The following MASP1 variants were observed in gnomAD, a reference collection of about 807,000 sequenced individuals.
MASP1 encodes the protein mannan-binding lectin serine protease 1.
In MASP1, 59 loss-of-function variants were observed where a neutral mutation model predicts 77.1. That is an observed-to-expected ratio of 0.77 (90% confidence interval 0.62 to 0.95). The LOEUF (loss-of-function observed/expected upper bound fraction) is 0.95. MASP1 is among the 40% of genes least tolerant of loss of function. The probability of loss-of-function intolerance (pLI) is 0.00; values close to 1 mark genes in which losing one functional copy is unlikely to be tolerated. For synonymous variants in MASP1, 362 were observed against 354.5 expected (o/e 1.02, Z -0.24); for missense variants, 885 against 912.9 (o/e 0.97, Z 0.39).
rs753779999 is a variant in MASP1 at position 187,220,187 on chromosome 3, G to A, written c.1984C>T (p.Leu662=). 135 of 1,614,078 alleles carry A rather than the reference G, an allele frequency of 8.4e-5. 1 individual carries two copies. The Middle Eastern group carries it at 2.5e-3, about 29-fold the overall frequency. ...TCACCCCAGGACACAGTGCCCACCA[G>A]GTACCACTGGCCTCTTTCTCTATTC... The change falls in exon 16 of 16, where the codon CTG becomes TTG. Residue 662 remains leucine, a synonymous_variant. Coordinates refer to the MASP1 transcript ENST00000337774.
At chr3:187,285,241 A>T (rs995712505) in intron 2 of MASP1, among the ~76,000 whole-genome samples, 1 of 151,764 alleles carries the variant, frequency 6.6e-6, no homozygotes, top group East Asian at 1.9e-4. Flanking sequence ...TACTTTTTAC[A>T]TCTACTTCTG....
At chr3:187,291,112 G>T (rs746610632) in intron 1 of MASP1, 15 of 178,366 alleles carry the variant, frequency 8.4e-5, no homozygotes, top group Non-Finnish European at 1.7e-4. Context: ...AATGGGGACA[G>T]ATTTTTAGTT....
At chr3:187,247,033 T>C in intron 8 of MASP1, 3 of 865,182 alleles carry the variant, frequency 3.5e-6, no homozygotes, top group Non-Finnish European at 4.3e-6. Context: ...ACCAAGGGCA[T>C]TTTTTTTTTC....
chr3:187,244,534 A>G (rs1713923987), intron 8 of MASP1: 1 of 152,250 alleles, frequency 6.6e-6, no homozygotes, highest in Non-Finnish European at 1.5e-5. Flanking sequence ...TCATAGATGA[A>G]TCATAGAATG....
At chr3:187,260,107 C>T (rs751123023) in intron 4 of MASP1, among the ~76,000 whole-genome samples, 6 of 152,166 alleles carry the variant, frequency 3.9e-5, no homozygotes, top group Admixed American at 6.5e-5. Flanking sequence ...CCATAAGACA[C>T]TTCACCATTT....
chr3:187,221,269 GC>G, intron 14 of MASP1: 1 of 697,220 alleles, frequency 1.4e-6, no homozygotes, highest in East Asian at 2.8e-5. Context: ...CTAAGAGACT[GC>G]CCCATGCTAC....
At chr3:187,246,098 C>T (rs1389886057) in intron 8 of MASP1, among the ~76,000 whole-genome samples, 1 of 152,198 alleles carries the variant, frequency 6.6e-6, no homozygotes, top group Non-Finnish European at 1.5e-5. Flanking sequence ...TGGTGCCATC[C>T]CTGCTGCACG....
chr3:187,280,067 T>C (rs1717288672), intron 2 of MASP1, among the ~76,000 whole-genome samples: 2 of 152,190 alleles, frequency 1.3e-5, no homozygotes, highest in Admixed American at 1.3e-4. Flanking sequence ...TGGGGAGGCA[T>C]TGAAAGATTT....
At chr3:187,242,613 T>G (rs1166688253) in intron 9 of MASP1, 1 of 152,442 alleles carries the variant, frequency 6.6e-6, no homozygotes, top group Non-Finnish European at 1.5e-5. Flanking sequence ...GGGCCCTCCT[T>G]TCTCCCTGAG....
At chr3:187,262,923 T>C (rs1715720450) in intron 2 of MASP1, 1 of 563,606 alleles carries the variant, frequency 1.8e-6, no homozygotes, top group African/African-American at 1.9e-5. Context: ...TCATTCGTCT[T>C]ATTTAGTTCC....
At position 187,235,507 on chromosome 3, in the gene MASP1, C is replaced by T. The variant is rs1487862571; in HGVS notation, c.*177G>A. 4 of 1,528,914 alleles carry T rather than the reference C, an allele frequency of 2.6e-6. No individual in the cohort carries two copies. The highest frequency in any genetic ancestry group is 3.5e-6 in the Non-Finnish European group (4 of 1,143,830). 94.7% of individuals were successfully genotyped at this position (1,528,914 alleles called of 1,614,324 possible). The stretch of plus-strand genomic sequence containing the variant: ...AGGAACACAGGTCTCCTGCCTGGAG[C>T]CTTTTCCCTATACCACACTCTGCCT... On this transcript the variant is annotated 3_prime_UTR_variant, in exon 11 of 11. Transcript: ENST00000296280.
At chr3:187,242,268 T>G (rs1713708674) in intron 9 of MASP1, 1 of 152,366 alleles carries the variant, frequency 6.6e-6, no homozygotes, top group Non-Finnish European at 1.5e-5. Flanking sequence ...TCCCAGCACT[T>G]TGGGAGGCCG....
intron 5 of MASP1, among the ~76,000 whole-genome samples, chr3:187,254,609 C>A (rs1038598801): frequency 6.6e-6 from 1 of 152,106 alleles, no homozygotes; most frequent in Non-Finnish European, 1.5e-5. Flanking sequence ...ATAAAGATCA[C>A]CCTCAATGCT....
intron 13 of MASP1, among the ~76,000 whole-genome samples, chr3:187,225,016 A>G (rs1712328132): frequency 6.6e-6 from 1 of 152,064 alleles, no homozygotes; most frequent in East Asian, 1.9e-4. Context: ...TACCATCTCT[A>G]TGATCTCAGC....
intron 1 of MASP1, among the ~76,000 whole-genome samples, chr3:187,287,634 C>T (rs1175793358): frequency 3.9e-5 from 6 of 152,064 alleles, no homozygotes; most frequent in Non-Finnish European, 8.8e-5. Context: ...CCTATGAGCA[C>T]TAAAGGTGAT....
In MASP1 at chr3:187,220,911, C is replaced by G. The variant is rs111390821; in HGVS notation, c.1909+124G>C. ...TGGAATCCCTCCTCCCACGGCCTTC[C>G]TCCAGTCCCCCGCGCCCCCACACTG... On this transcript the variant is annotated intron_variant, in intron 15 of 15. Coordinates refer to the MASP1 transcript ENST00000337774. 3,991 of 742,028 alleles carry G rather than the reference C, an allele frequency of 5.4e-3. 113 individuals carry two copies. The African/African-American group carries it at 0.057, about 11-fold the overall frequency. The allele number at this position is 742,028 out of a possible 1,614,324, so 46.0% of individuals were successfully genotyped here. A position where few individuals can be genotyped will look rare whatever the true frequency, so the allele number is the denominator to read the frequency against.
At chr3:187,288,589 T>C (rs1306687273) in intron 1 of MASP1, among the ~76,000 whole-genome samples, 1 of 152,246 alleles carries the variant, frequency 6.6e-6, no homozygotes, top group Admixed American at 6.5e-5. Context: ...TGTCCAGCCC[T>C]AGCCAAACAT....
At chr3:187,225,182 TTGGC>T (rs1712340249) in intron 13 of MASP1, 1 of 914,020 alleles carries the variant, frequency 1.1e-6, no homozygotes, top group Non-Finnish European at 1.7e-6. Flanking sequence ...CAGTTCTGAC[TTGGC>T]TGTTTGAGGG....
At chr3:187,257,898 C>T (rs1715231548) in intron 4 of MASP1, among the ~76,000 whole-genome samples, 2 of 152,106 alleles carry the variant, frequency 1.3e-5, no homozygotes, top group Admixed American at 6.5e-5. Flanking sequence ...GTAGGTTAGA[C>T]ACTCCTTCTA....
Sources: allele counts gnomAD v4.1 joint callset (sites outside exome capture counted in the v4.1 genomes callset), GRCh38; gene constraint gnomAD v4.1.1; transcripts MANE v1.5; gene names NCBI Gene and HGNC (gene_info 2026-07-23, HGNC 2026-07-21).